The following MYO3B variants were observed in gnomAD, a reference collection of about 807,000 sequenced individuals.
MYO3B encodes myosin-IIIb.
Under a neutral mutation model 174.6 loss-of-function variants are expected in MYO3B, and 156 were observed. That is an observed-to-expected ratio of 0.89 (90% CI 0.78 to 1.02). The LOEUF (loss-of-function observed/expected upper bound fraction) is 1.02. MYO3B is among the 50% of genes least tolerant of loss of function. The pLI, the probability that MYO3B is intolerant of heterozygous loss-of-function variation, is 0.00. For missense variants in MYO3B, 1,632 were observed against 1,639.4 expected (o/e 1.00, Z 0.08); for synonymous variants, 563 against 569.1 (o/e 0.99, Z 0.15).
At chr2:170,361,332 G>A (rs529322681) in intron 8 of MYO3B, among the ~76,000 whole-genome samples, 1 of 152,318 alleles carries the variant, frequency 6.6e-6, no homozygotes, top group African/African-American at 2.4e-5. Flanking sequence ...CATGGGTGGA[G>A]TTGCCTGGAG....
At chr2:170,606,677 C>T (rs745866997) in intron 32 of MYO3B, among the ~76,000 whole-genome samples, 3 of 152,122 alleles carry the variant, frequency 2.0e-5, no homozygotes, top group Admixed American at 6.6e-5. Context: ...TTTAGGAATG[C>T]GTAAATATTT....
intron 7 of MYO3B, among the ~76,000 whole-genome samples, chr2:170,255,201 G>A (rs538434271): frequency 3.1e-4 from 47 of 152,316 alleles, no homozygotes; most frequent in African/African-American, 1.1e-3. Context: ...GGCTTGAGCC[G>A]CTGCTAAGAC....
chr2:170,455,324 A>C (rs1358962174), intron 23 of MYO3B, among the ~76,000 whole-genome samples: 1 of 152,196 alleles, frequency 6.6e-6, no homozygotes, highest in Non-Finnish European at 1.5e-5. Flanking sequence ...TGGAGGTTAG[A>C]AGCAAGATGG....
chr2:170,412,886 A>T (rs1179560170), intron 22 of MYO3B, among the ~76,000 whole-genome samples: 1 of 152,182 alleles, frequency 6.6e-6, no homozygotes, highest in Non-Finnish European at 1.5e-5. Flanking sequence ...CTGGGGAGTG[A>T]GTTCCTCCTT....
intron 30 of MYO3B, among the ~76,000 whole-genome samples, chr2:170,520,667 G>T (rs1688623056): frequency 6.6e-6 from 1 of 152,066 alleles, no homozygotes; most frequent in African/African-American, 2.4e-5. Flanking sequence ...TAATTCAAAA[G>T]GAGTATAGCA....
intron 32 of MYO3B, among the ~76,000 whole-genome samples, chr2:170,636,796 A>G (rs946119105): frequency 9.2e-5 from 14 of 152,180 alleles, no homozygotes; most frequent in Non-Finnish European, 2.9e-5. Context: ...CTAAACCAAG[A>G]CAACCAAGTC....
intron 32 of MYO3B, among the ~76,000 whole-genome samples, chr2:170,596,365 T>G (rs545251827): frequency 6.6e-6 from 1 of 152,176 alleles, no homozygotes; most frequent in African/African-American, 2.4e-5. Context: ...CGTGAGTCCC[T>G]TACCTGGTAG....
chr2:170,651,557 G>A (rs1377967187), intron 32 of MYO3B, 71 bp from the exon 33 acceptor site: 19 of 1,213,560 alleles, frequency 1.6e-5, no homozygotes, highest in Non-Finnish European at 2.3e-5. Flanking sequence ...GCATTTATGT[G>A]AAGAGCCATT....
chr2:170,576,555 G>A (rs1264312796), intron 32 of MYO3B, among the ~76,000 whole-genome samples: 1 of 152,146 alleles, frequency 6.6e-6, no homozygotes, highest in Non-Finnish European at 1.5e-5. Flanking sequence ...TATGATTTGT[G>A]GAGTCCCATT....
chr2:170,444,004 C>T lies in MYO3B; in HGVS notation c.2688C>T (p.Ala896=). ...LAQTRARITV[A]SSSLPPHFSA... is the part of the protein sequence containing the mutation. ...AGACAAGAGCTAGGATAACAGTGGC[C>T]TCAAGTTCTTTGCCTCCACATTTCA... Residue 896 remains alanine (A), a synonymous_variant, in exon 23 of 35, where the codon GCC becomes GCT. Transcript: ENST00000408978. 1.9e-6 allele frequency: 3 copies of T among 1,613,120 alleles called. No individual in the cohort carries two copies. The East Asian group carries it at 6.7e-5, about 36-fold the overall frequency.
chr2:170,616,070 T>C (rs940909732), intron 32 of MYO3B, among the ~76,000 whole-genome samples: 1 of 152,244 alleles, frequency 6.6e-6, no homozygotes, highest in African/African-American at 2.4e-5. Context: ...CCATAACCTA[T>C]GATTAGCAAG....
At chr2:170,285,690 AT>A (rs1171683177) in intron 7 of MYO3B, among the ~76,000 whole-genome samples, 1 of 151,874 alleles carries the variant, frequency 6.6e-6, no homozygotes, top group Non-Finnish European at 1.5e-5. Context: ...ACTTTATGGT[AT>A]TTATTATTGT....
intron 27 of MYO3B, 22 bp downstream of exon 27, chr2:170,499,830 A>G: frequency 6.2e-7 from 1 of 1,612,006 alleles, no homozygotes; most frequent in African/African-American, 1.3e-5. Context: ...TGTTCTCATA[A>G]ATACTGCCCT....
chr2:170,374,758 T>TACACACACACATAC (rs1166309527), intron 9 of MYO3B, among the ~76,000 whole-genome samples: 59 of 140,066 alleles, frequency 4.2e-4, no homozygotes, highest in African/African-American at 1.6e-3. Context: ...TATGCATACA[T>TACACACACACATAC]ACACACACAC....
At chr2:170,541,377 A>T (rs1317331411) in intron 30 of MYO3B, among the ~76,000 whole-genome samples, 1 of 152,180 alleles carries the variant, frequency 6.6e-6, no homozygotes, top group African/African-American at 2.4e-5. Flanking sequence ...TATAGAATAT[A>T]TTATGGTTCA....
intron 32 of MYO3B, chr2:170,601,978 TCC>T: frequency 1.2e-6 from 1 of 857,288 alleles, no homozygotes; most frequent in Admixed American, 1.9e-5. Flanking sequence ...CTTTTTTGTC[TCC>T]CCTTTAGGAG....
At chr2:170,303,305 T>C (rs2093678325) in intron 7 of MYO3B, among the ~76,000 whole-genome samples, 1 of 152,186 alleles carries the variant, frequency 6.6e-6, no homozygotes, top group Admixed American at 6.5e-5. Flanking sequence ...AAAGAAGTTT[T>C]ACTAAATTGT....
At chr2:170,619,196 AG>A (rs773742547) in intron 32 of MYO3B, among the ~76,000 whole-genome samples, 4 of 152,088 alleles carry the variant, frequency 2.6e-5, no homozygotes, top group Admixed American at 6.5e-5. Flanking sequence ...GCTCTCCACA[AG>A]GGTCGCATTC....
chr2:170,518,368 A>G (rs1386767746), intron 29 of MYO3B, among the ~76,000 whole-genome samples: 2 of 152,120 alleles, frequency 1.3e-5, no homozygotes, highest in Non-Finnish European at 2.9e-5. Flanking sequence ...TTCAGTTTGG[A>G]TGGTTCTAGG....
Sources: allele counts gnomAD v4.1 joint callset (sites outside exome capture counted in the v4.1 genomes callset), GRCh38; gene constraint gnomAD v4.1.1; transcripts MANE v1.5; gene names NCBI Gene and HGNC (gene_info 2026-07-23, HGNC 2026-07-21).